The following THSD7B variants were observed in gnomAD, a reference collection of about 807,000 sequenced individuals.
THSD7B encodes the protein thrombospondin type 1 domain containing 7B, also known as thrombospondin type-1 domain-containing protein 7B.
In THSD7B, 138 loss-of-function variants were observed where a neutral mutation model predicts 213.6. The ratio of observed to expected loss-of-function variants is 0.65; its 90% CI spans 0.56 to 0.74. The LOEUF (loss-of-function observed/expected upper bound fraction) is 0.74, where lower values mean the gene tolerates loss of function less well. THSD7B is among the 30% of genes least tolerant of loss of function. THSD7B has a pLI of 0.00. For missense variants in THSD7B, 1,931 were observed against 1,991.5 expected, an observed-to-expected ratio of 0.97 and a Z score of 0.58; for synonymous variants, 742 against 687.0, an observed-to-expected ratio of 1.08 and a Z score of -1.25.
At chr2:137,033,716 G>C (rs1686718471) in intron 2 of THSD7B, among the ~76,000 whole-genome samples, 1 of 151,902 alleles carries the variant, frequency 6.6e-6, no homozygotes, top group Non-Finnish European at 1.5e-5. Flanking sequence ...GGGTTCAAGC[G>C]ATTCTCCTGC....
rs148815733 is a variant in THSD7B at position 137,383,786 on chromosome 2, C to T, written c.2501-21827C>T. 3.0e-4 allele frequency among the ~76,000 whole-genome samples: 45 copies of T among 152,300 alleles called. No homozygotes were observed. In the East Asian group the frequency reaches 7.2e-3, roughly 24 times the overall value. Reference sequence around the variant, plus strand: ...AGTAAAACCATGTCAAAACTGTCTACGACTTCTTGAGTGTTTTTCCAGCTC... The same window carrying T: ...AGTAAAACCATGTCAAAACTGTCTATGACTTCTTGAGTGTTTTTCCAGCTC... On this transcript the variant is annotated intron_variant, in intron 12 of 27. Coordinates refer to ENST00000409968, the MANE Select transcript of THSD7B (RefSeq NM_001316349.2).
chr2:136,882,676 CA>C (rs1449906728), intron 2 of THSD7B, among the ~76,000 whole-genome samples: 1 of 152,200 alleles, frequency 6.6e-6, no homozygotes, highest in Non-Finnish European at 1.5e-5. Context: ...ACCAGTTCTG[CA>C]TGTCTCTTTC....
At chr2:137,052,982 A>G (rs1421282983) in intron 2 of THSD7B, among the ~76,000 whole-genome samples, 1 of 152,052 alleles carries the variant, frequency 6.6e-6, no homozygotes, top group Non-Finnish European at 1.5e-5. Context: ...GTTGTCCTCA[A>G]AGTTTGCTTT....
intron 3 of THSD7B, among the ~76,000 whole-genome samples, chr2:137,058,398 G>A (rs1401592383): frequency 6.6e-6 from 1 of 152,110 alleles, no homozygotes; most frequent in Non-Finnish European, 1.5e-5. Context: ...TTGCTGAAGT[G>A]AGCATTACAT....
intron 1 of THSD7B, among the ~76,000 whole-genome samples, chr2:136,863,057 G>A (rs913869115): frequency 6.6e-6 from 1 of 152,164 alleles, no homozygotes; most frequent in African/African-American, 2.4e-5. Flanking sequence ...GTTTCCCCAT[G>A]CTCCAACCTT....
intron 2 of THSD7B, among the ~76,000 whole-genome samples, chr2:136,959,875 G>A (rs1236213050): frequency 6.6e-6 from 1 of 152,162 alleles, no homozygotes; most frequent in African/African-American, 2.4e-5. Flanking sequence ...TCAGAGACAG[G>A]AATTAGAGAT....
intron 2 of THSD7B, among the ~76,000 whole-genome samples, chr2:136,900,076 G>T (rs1287037546): frequency 6.6e-6 from 1 of 152,198 alleles, no homozygotes; most frequent in African/African-American, 2.4e-5. Flanking sequence ...GTGATAAAGA[G>T]ATTGATTAAT....
rs34604281 is a variant in THSD7B, at chr2:137,605,648, CTTTTTTTTTTTTTTTTTTTTTT to C, written c.3424-10509_3424-10488del. ...AAAAAGCATATATTGGCACTTCGCA[CTTTTTTTTTTTTTTTTTTTTTT>C]TTTTTTTTTTTTTTTTTGAGACGGA... On this transcript the variant is annotated intron_variant, in intron 17 of 27. Coordinates refer to ENST00000409968, the MANE Select transcript of THSD7B (RefSeq NM_001316349.2). Among the ~76,000 whole-genome samples the C allele has an allele frequency of 3.6e-3, 246 of 69,028 alleles. 1 individual carries two copies. Among genetic ancestry groups the C allele is most frequent in the African/African-American group, 0.013 (227 of 17,598 alleles). The allele number at this position is 69,028 out of a possible 152,430, so 45.3% of individuals were successfully genotyped here.
chr2:137,596,693 CT>C (rs1210072758), intron 17 of THSD7B, among the ~76,000 whole-genome samples: 4 of 151,842 alleles, frequency 2.6e-5, no homozygotes, highest in Admixed American at 1.3e-4. Context: ...CTTTCACCCT[CT>C]TTTTTTCTCC....
intron 2 of THSD7B, among the ~76,000 whole-genome samples, chr2:136,893,694 T>C (rs1334897253): frequency 6.6e-6 from 1 of 152,222 alleles, no homozygotes; most frequent in East Asian, 1.9e-4. Flanking sequence ...CACCTTCTTC[T>C]GTGTACCTTA....
chr2:137,200,867 C>A (rs1372838620), intron 7 of THSD7B, among the ~76,000 whole-genome samples: 1 of 29,340 alleles, frequency 3.4e-5, no homozygotes, highest in African/African-American at 1.2e-4. Flanking sequence ...ATGGGGACTC[C>A]TATGTTGCCC....
At chr2:137,451,784 C>G (rs1687657017) in intron 15 of THSD7B, among the ~76,000 whole-genome samples, 3 of 152,038 alleles carry the variant, frequency 2.0e-5, no homozygotes, top group Admixed American at 2.0e-4. Context: ...TTACATTAAT[C>G]AGTTGACTAG....
chr2:137,412,869 T>G (rs963178946), intron 14 of THSD7B, among the ~76,000 whole-genome samples: 1 of 150,874 alleles, frequency 6.6e-6, no homozygotes, highest in Non-Finnish European at 1.5e-5. Flanking sequence ...GCCTCTGAAT[T>G]TCCTGCTCTG....
chr2:137,380,123 A>T (rs2104962414), intron 12 of THSD7B, among the ~76,000 whole-genome samples: 1 of 152,242 alleles, frequency 6.6e-6, no homozygotes, highest in East Asian at 1.9e-4. Flanking sequence ...TCAACAAAAC[A>T]CATTTGGGCC....
chr2:136,767,212 T>C (rs1404010997), intron 1 of THSD7B, among the ~76,000 whole-genome samples: 1 of 152,202 alleles, frequency 6.6e-6, no homozygotes, highest in East Asian at 1.9e-4. Context: ...CTTAGGGTGT[T>C]ACTAACCAAA....
chr2:137,357,314 A>C (rs1558768472), intron 12 of THSD7B, among the ~76,000 whole-genome samples: 1 of 152,162 alleles, frequency 6.6e-6, no homozygotes, highest in African/African-American at 2.4e-5. Context: ...CAGTGACTAC[A>C]TAGTGTGAAA....
At chr2:137,273,772 T>A (rs1682805968) in intron 11 of THSD7B, among the ~76,000 whole-genome samples, 1 of 152,122 alleles carries the variant, frequency 6.6e-6, no homozygotes, top group South Asian at 2.1e-4. Context: ...CTACCATTTT[T>A]TTCTCATTAA....
intron 20 of THSD7B, among the ~76,000 whole-genome samples, chr2:137,631,782 A>T (rs902166949): frequency 6.6e-6 from 1 of 152,182 alleles, no homozygotes; most frequent in Non-Finnish European, 1.5e-5. Context: ...AATAGACAAG[A>T]AACTCGACGA....
chr2:137,609,516 G>A (rs1682248755), intron 17 of THSD7B, among the ~76,000 whole-genome samples: 1 of 152,166 alleles, frequency 6.6e-6, no homozygotes, highest in South Asian at 2.1e-4. Context: ...AATGCTTGGA[G>A]CTCTCCAAGA....
Sources: allele counts gnomAD v4.1 joint callset (sites outside exome capture counted in the v4.1 genomes callset), GRCh38; gene constraint gnomAD v4.1.1; transcripts MANE v1.5; gene names NCBI Gene and HGNC (gene_info 2026-07-23, HGNC 2026-07-21).